The following PLEKHA7 variants were observed in gnomAD, a reference collection of about 807,000 sequenced individuals.
The protein encoded by PLEKHA7 is pleckstrin homology domain-containing family A member 7.
A neutral mutation model predicts 170.0 loss-of-function variants in PLEKHA7; 104 were observed. The observed-to-expected ratio is 0.61, with a 90% CI of 0.52 to 0.72. The LOEUF (loss-of-function observed/expected upper bound fraction) is 0.72. PLEKHA7 is among the 30% of genes least tolerant of loss of function. The pLI is 0.00. For synonymous variants in PLEKHA7, 648 were observed against 660.8 expected (o/e 0.98, Z 0.30); for missense variants, 1,615 against 1,671.7 (o/e 0.97, Z 0.59).
At chr11:16,993,312 G>A (rs1864154207) in intron 3 of PLEKHA7, among the ~76,000 whole-genome samples, 2 of 152,086 alleles carry the variant, frequency 1.3e-5, no homozygotes, top group African/African-American at 4.8e-5. Context: ...TTAAGGAAGG[G>A]GCTGGGTCGG....
intron 8 of PLEKHA7, among the ~76,000 whole-genome samples, chr11:16,849,037 C>G (rs1012049597): frequency 5.9e-5 from 9 of 152,198 alleles, no homozygotes; most frequent in Non-Finnish European, 1.2e-4. Context: ...AACCATTGCC[C>G]TTTCTGGAGA....
chr11:16,783,836 G>A lies in PLEKHA7; in HGVS notation c.3517-3C>T, dbSNP rs1456279591. 1.4e-6 allele frequency: 2 copies of A among 1,470,892 alleles called. No individual in the cohort carries two copies. The highest frequency in any genetic ancestry group is 1.4e-5 in the South Asian group (1 of 73,928). 91.1% of individuals were successfully genotyped at this position (1,470,892 alleles called of 1,614,324 possible). A position where few individuals can be genotyped will look rare whatever the true frequency, so the allele number is the denominator to read the frequency against. On this transcript the variant is annotated splice_region_variant and splice_polypyrimidine_tract_variant and intron_variant, in intron 24 of 26. Coordinates refer to ENST00000531066, the MANE Select transcript of PLEKHA7 (RefSeq NM_001329630.2). ...GACACCTTCTCTGGTTTGGACAGCT[G>A]GGGAGAGGCCAGGAGGTGGCAGAGG... is the stretch of plus-strand genomic sequence containing the variant.
chr11:16,984,120 AG>A (rs1001403636), intron 3 of PLEKHA7, among the ~76,000 whole-genome samples: 11 of 152,214 alleles, frequency 7.2e-5, no homozygotes, highest in African/African-American at 2.6e-4. Context: ...CCATTTAATG[AG>A]GGCTTATTTC....
Position 16,990,286 on chromosome 11 carries a change from A to AAAAAAAAAAAAAAACC in PLEKHA7, c.221+23702_221+23703insGGTTTTTTTTTTTTTT, listed in dbSNP as rs1565185991. ...AAGACCCTGTCTCAAAAAAAAAAAA[A>AAAAAAAAAAAAAAACC]AAAAAAAAAAAAACTTCTCCCTGTT... is the stretch of plus-strand genomic sequence containing the variant. On this transcript the variant is annotated intron_variant, in intron 3 of 26. Coordinates refer to ENST00000531066, the MANE Select transcript of PLEKHA7 (RefSeq NM_001329630.2). Among the ~76,000 whole-genome samples, 50 of 108,258 alleles carry AAAAAAAAAAAAAAACC rather than the reference A, an allele frequency of 4.6e-4. 1 individual carries two copies. The highest frequency in any genetic ancestry group is 2.5e-4 in the Non-Finnish European group (13 of 52,358). 71.0% of individuals were successfully genotyped at this position (108,258 alleles called of 152,430 possible). A position where few individuals can be genotyped will look rare whatever the true frequency, so the allele number is the denominator to read the frequency against.
In PLEKHA7 at chr11:16,819,526, A is replaced by G. The variant is rs182896335; in HGVS notation, c.1344-2204T>C. Among the ~76,000 whole-genome samples, 197 of 152,376 alleles carry G rather than the reference A, an allele frequency of 1.3e-3. 1 individual carries two copies. Among genetic ancestry groups the G allele is most frequent in the African/African-American group, 4.5e-3 (186 of 41,598 alleles). On this transcript the variant is annotated intron_variant, in intron 10 of 26. Coordinates refer to ENST00000531066, the MANE Select transcript of PLEKHA7 (RefSeq NM_001329630.2). Reference sequence around the variant, plus strand: ...TTAGAGTCAGACAGGCTTGAGGTCAATTCTGACTCTGCCTTCACCTATCAA... The same window carrying G: ...TTAGAGTCAGACAGGCTTGAGGTCAGTTCTGACTCTGCCTTCACCTATCAA...
chr11:16,940,067 G>A (rs970074753), intron 3 of PLEKHA7, among the ~76,000 whole-genome samples: 1 of 152,136 alleles, frequency 6.6e-6, no homozygotes. Context: ...TAGCTGTGTG[G>A]ATCTGTCTCC....
intron 3 of PLEKHA7, among the ~76,000 whole-genome samples, chr11:16,906,511 C>T (rs7358489): frequency 4.3e-5 from 6 of 139,456 alleles, no homozygotes; most frequent in African/African-American, 9.4e-5. Context: ...TTGGTGGAGA[C>T]GGGGTTTCGC....
At position 16,930,042 on chromosome 11, in the gene PLEKHA7, T is replaced by C. The variant is rs540787613; in HGVS notation, c.222-58860A>G. Among the ~76,000 whole-genome samples the C allele has an allele frequency of 1.9e-4, 29 of 152,100 alleles. 1 individual carries two copies. In the South Asian group the frequency reaches 5.6e-3, roughly 29 times the overall value. ...ATAAAAATAAAAATAAAGTATGTGCTGGGATATTTTGGGGAGCAGGGAGCT... is the reference window on the plus strand; with the variant it reads ...ATAAAAATAAAAATAAAGTATGTGCCGGGATATTTTGGGGAGCAGGGAGCT... On this transcript the variant is annotated intron_variant, in intron 3 of 26. Transcript: ENST00000531066.
In PLEKHA7 at chr11:16,922,265, TA is replaced by T. The variant is rs79056844; in HGVS notation, c.222-51084del. Among the ~76,000 whole-genome samples, 585 of 152,218 alleles carry T rather than the reference TA, an allele frequency of 3.8e-3. 14 individuals carry two copies. The East Asian group carries it at 0.069, about 18-fold the overall frequency. On this transcript the variant is annotated intron_variant, in intron 3 of 26. Transcript: ENST00000531066. The stretch of plus-strand genomic sequence containing the variant: ...TCTAGCTGCCTTAATTAATGAAAAA[TA>T]ATAGCTATCAATTGGTAAGTACTGC...
intron 3 of PLEKHA7, among the ~76,000 whole-genome samples, chr11:16,952,774 C>T (rs1419123172): frequency 6.6e-6 from 1 of 152,186 alleles, no homozygotes; most frequent in African/African-American, 2.4e-5. Context: ...AGCACCATGT[C>T]AGTGTTCACA....
intron 3 of PLEKHA7, among the ~76,000 whole-genome samples, chr11:16,944,949 G>A (rs888800789): frequency 1.3e-5 from 2 of 152,114 alleles, no homozygotes; most frequent in African/African-American, 2.4e-5. Context: ...TTAAGGATCA[G>A]AGGAGTTCAC....
intron 10 of PLEKHA7, among the ~76,000 whole-genome samples, chr11:16,823,459 T>G (rs1478290163): frequency 1.3e-5 from 2 of 152,196 alleles, no homozygotes; most frequent in Non-Finnish European, 2.9e-5. Flanking sequence ...TCTCAACTAC[T>G]GCCAGGGTAT....
chr11:16,799,427 G>A (rs927192649), intron 17 of PLEKHA7, among the ~76,000 whole-genome samples: 3 of 152,198 alleles, frequency 2.0e-5, no homozygotes, highest in Non-Finnish European at 4.4e-5. Context: ...AAGGGAGAGG[G>A]GGAAGAGGAA....
chr11:17,002,869 T>C (rs1269846841), intron 3 of PLEKHA7, among the ~76,000 whole-genome samples: 1 of 152,116 alleles, frequency 6.6e-6, no homozygotes, highest in African/African-American at 2.4e-5. Flanking sequence ...ATTTGCTCTG[T>C]CATCCACTCC....
intron 3 of PLEKHA7, among the ~76,000 whole-genome samples, chr11:16,956,743 G>C (rs1308387883): frequency 6.6e-6 from 1 of 152,170 alleles, no homozygotes; most frequent in African/African-American, 2.4e-5. Context: ...AGACATCTCA[G>C]CCAGCTTTAT....
chr11:16,862,612 C>T (rs963134293), intron 4 of PLEKHA7, among the ~76,000 whole-genome samples: 2 of 152,168 alleles, frequency 1.3e-5, no homozygotes, highest in African/African-American at 4.8e-5. Context: ...GCATTTTTGC[C>T]CAGCACAGAC....
At chr11:16,932,065 C>A (rs149853034) in intron 3 of PLEKHA7, among the ~76,000 whole-genome samples, 1 of 152,258 alleles carries the variant, frequency 6.6e-6, no homozygotes, top group Non-Finnish European at 1.5e-5. Flanking sequence ...TCCATGAACT[C>A]TCATAGATGT....
intron 3 of PLEKHA7, among the ~76,000 whole-genome samples, chr11:16,886,635 C>T (rs545820502): frequency 6.0e-5 from 9 of 149,720 alleles, no homozygotes; most frequent in African/African-American, 2.0e-4. Context: ...TGCTTGAACC[C>T]AGGAGGCGGA....
chr11:16,789,553 G>A lies in PLEKHA7; in HGVS notation c.3156+222C>T, dbSNP rs937482305. Reference sequence around the variant, plus strand: ...CTGTCCAGTGAGGCCAGAACCCAGGGTGCAGGCTTCTTGAGCTCCCTCCTG... The same window carrying A: ...CTGTCCAGTGAGGCCAGAACCCAGGATGCAGGCTTCTTGAGCTCCCTCCTG... On this transcript the variant is annotated intron_variant, in intron 22 of 26. Transcript: ENST00000531066. The surrounding 1 kb of genome is among the most constrained non-coding windows in gnomAD (Gnocchi z 4.6). The A allele has an allele frequency of 1.6e-5, 10 of 616,352 alleles. No individual in the cohort carries two copies. Among genetic ancestry groups the A allele is most frequent in the East Asian group, 2.7e-5 (1 of 36,452 alleles). The allele number at this position is 616,352 out of a possible 1,614,324, so 38.2% of individuals were successfully genotyped here. A position where few individuals can be genotyped will look rare whatever the true frequency, so the allele number is the denominator to read the frequency against.
Sources: gnomAD v4.1 joint callset for allele counts (sites outside exome capture counted in the v4.1 genomes callset) on GRCh38, gnomAD v4.1.1 for gene constraint, Gnocchi (gnomAD v3.1) non-coding constraint, MANE v1.5 for transcripts, NCBI Gene and HGNC (gene_info 2026-07-23, HGNC 2026-07-21) for gene names.